The following MAEL variants were observed in gnomAD, a reference collection of about 807,000 sequenced individuals.
MAEL encodes protein maelstrom homolog.
Under a neutral mutation model 62.0 loss-of-function variants are expected in MAEL, and 46 were observed. That is an observed-to-expected ratio of 0.74 (90% CI 0.59 to 0.95). The LOEUF (loss-of-function observed/expected upper bound fraction) is 0.95. MAEL is among the 40% of genes least tolerant of loss of function. The pLI is 0.00. For synonymous variants in MAEL, 172 were observed against 175.5 expected (o/e 0.98, Z 0.16); for missense variants, 497 against 526.8 (o/e 0.94, Z 0.55).
rs552863080 is a variant in MAEL, at chr1:166,975,976, T to C, written c.-121+310T>C. Among the ~76,000 whole-genome samples, 7 of 152,220 alleles carry C rather than the reference T, an allele frequency of 4.6e-5. No homozygotes were observed. The South Asian group carries it at 1.5e-3, about 32-fold the overall frequency. ...AACTAGCAAGTCCTCTAGGCTAGAA[T>C]GTTCGCTTCTGCGGTACCCCCGCCC... On this transcript the variant is annotated intron_variant, in intron 1 of 12. Coordinates refer to the MAEL transcript ENST00000622874.
chr1:167,016,106 GT>G (rs1665377925), intron 8 of MAEL, 115 bp from the exon 9 acceptor site: 1 of 872,678 alleles, frequency 1.1e-6, no homozygotes, highest in South Asian at 1.4e-5. Context: ...TAAATTTGAA[GT>G]TTTAGTCTTC....
chr1:166,986,945 C>CGTGTGTGTGTGTGTGTGTGTGTGTGTGT (rs58393275), upstream of MAEL, among the ~76,000 whole-genome samples: 1 of 147,030 alleles, frequency 6.8e-6, no homozygotes, highest in Admixed American at 6.8e-5. Context: ...AGGAAGGGGA[C>CGTGTGTGTGTGTGTGTGTGTGTGTGTGT]GTGTGTGTGT....
rs558192476 is a variant in MAEL, at chr1:167,006,361, G to A, written c.845+964G>A. ...ATGATCTGGACATTTTTGAGTACAG[G>A]CCAGTTACTTTATAGAATGTTTCTC... On this transcript the variant is annotated intron_variant, in intron 8 of 11. Coordinates refer to ENST00000367872, the MANE Select transcript of MAEL (RefSeq NM_032858.3). Among the ~76,000 whole-genome samples, 150 of 151,824 alleles carry A rather than the reference G, an allele frequency of 9.9e-4. 1 individual carries two copies. Among genetic ancestry groups the A allele is most frequent in the Admixed American group, 1.5e-3 (23 of 15,208 alleles).
intron 8 of MAEL, chr1:167,005,997 C>G (rs1288044950): frequency 1.3e-5 from 2 of 152,182 alleles, no homozygotes; most frequent in East Asian, 3.9e-4. Flanking sequence ...CTGATCTTGT[C>G]TGATCTCACA....
intron 9 of MAEL, among the ~76,000 whole-genome samples, 196 bp downstream of exon 9, chr1:167,016,480 G>A (rs1376827047): frequency 7.9e-5 from 12 of 152,032 alleles, no homozygotes; most frequent in Non-Finnish European, 1.6e-4. Flanking sequence ...CAAAAGACAG[G>A]CAATAATAAA....
At chr1:166,986,945 C>CGTGTGTGTGTGTGTGTGTGTGTGTGT (rs58393275), upstream of MAEL, among the ~76,000 whole-genome samples, 1 of 147,030 alleles carries the variant, frequency 6.8e-6, no homozygotes, top group Admixed American at 6.8e-5. Context: ...AGGAAGGGGA[C>CGTGTGTGTGTGTGTGTGTGTGTGTGT]GTGTGTGTGT....
At chr1:166,976,801 A>C (rs1663597639) in intron 1 of MAEL, among the ~76,000 whole-genome samples, 2 of 152,220 alleles carry the variant, frequency 1.3e-5, no homozygotes, top group African/African-American at 4.8e-5. Context: ...GTATGTGAAC[A>C]TGTGAGAAAT....
intron 5 of MAEL, among the ~76,000 whole-genome samples, chr1:166,995,155 T>C (rs967061847): frequency 1.3e-5 from 2 of 152,136 alleles, no homozygotes; most frequent in Non-Finnish European, 2.9e-5. Context: ...ATTCTTAATA[T>C]GTACTAATTC....
At chr1:167,000,699 T>A (rs116754490) in intron 5 of MAEL, among the ~76,000 whole-genome samples, 2,823 of 152,330 alleles carry the variant, frequency 0.019, 32 homozygotes, top group Middle Eastern at 0.024. Flanking sequence ...ACTTCATTGT[T>A]TGATTTTAAG....
intron 8 of MAEL, among the ~76,000 whole-genome samples, chr1:167,009,234 C>T (rs1412803944): frequency 6.6e-6 from 1 of 152,158 alleles, no homozygotes; most frequent in Non-Finnish European, 1.5e-5. Flanking sequence ...TTTGCTGAAC[C>T]TTGATACAGT....
At chr1:167,000,064 A>G (rs562178991) in intron 5 of MAEL, among the ~76,000 whole-genome samples, 1 of 152,324 alleles carries the variant, frequency 6.6e-6, no homozygotes, top group African/African-American at 2.4e-5. Context: ...TAATGTTTTC[A>G]TGCCTGCTAC....
chr1:167,021,818 A>G lies in MAEL; in HGVS notation c.1268A>G (p.Gln423Arg), dbSNP rs1395366911. Residue 423 changes from glutamine (Q) to arginine (R), a missense_variant, in exon 12 of 12, where the codon CAA (glutamine) becomes CGA (arginine). Transcript: ENST00000367872. ...CDTSLSPYMS[Q>R]KDGYKSFSSL... ...ACTTCACTCTCACCTTACATGTCCC[A>G]AAAAGATGGATACAAATCTTTCTCT... 4.3e-6 allele frequency: 7 copies of G among 1,610,434 alleles called. No homozygotes were observed. The highest frequency in any genetic ancestry group is 5.1e-6 in the Non-Finnish European group (6 of 1,177,960).
At chr1:166,988,177 C>T (rs1663984585), upstream of MAEL, among the ~76,000 whole-genome samples, 2 of 151,574 alleles carry the variant, frequency 1.3e-5, no homozygotes, top group Admixed American at 6.6e-5. Context: ...AGGGAGACCT[C>T]GTCTCTACAA....
At chr1:167,002,093 T>C (rs1467568119) in intron 5 of MAEL, among the ~76,000 whole-genome samples, 3 of 152,254 alleles carry the variant, frequency 2.0e-5, no homozygotes, top group Non-Finnish European at 2.9e-5. Context: ...TGTGGTACTT[T>C]ACTAGTGTTA....
intron 8 of MAEL, chr1:167,012,533 C>T (rs868136043): frequency 1.3e-5 from 2 of 152,074 alleles, no homozygotes; most frequent in Non-Finnish European, 2.9e-5. Context: ...TAATGTGGTC[C>T]CTGCCTTCAA....
At chr1:166,987,405 A>G (rs1215027502), upstream of MAEL, among the ~76,000 whole-genome samples, 1 of 152,166 alleles carries the variant, frequency 6.6e-6, no homozygotes, top group Admixed American at 6.5e-5. Context: ...AATGTGCCAC[A>G]ATTTATCAGT....
At chr1:167,004,963 GC>G in intron 6 of MAEL, 112 bp from the exon 7 acceptor site, 1 of 890,858 alleles carries the variant, frequency 1.1e-6, no homozygotes, top group Non-Finnish European at 1.7e-6. Flanking sequence ...TTTCTCCTGT[GC>G]CCCCTACCTC....
At chr1:166,981,449 C>T (rs1408436175) in intron 1 of MAEL, among the ~76,000 whole-genome samples, 3 of 152,026 alleles carry the variant, frequency 2.0e-5, no homozygotes, top group Admixed American at 6.5e-5. Flanking sequence ...ATCACAGCCC[C>T]TTATGTCAAA....
chr1:167,015,202 T>G (rs1054861889), intron 8 of MAEL, among the ~76,000 whole-genome samples: 1 of 152,156 alleles, frequency 6.6e-6, no homozygotes, highest in Non-Finnish European at 1.5e-5. Context: ...AGAGTTTTTT[T>G]GTTTTCTTAA....
Sources: allele counts gnomAD v4.1 joint callset (sites outside exome capture counted in the v4.1 genomes callset), GRCh38; gene constraint gnomAD v4.1.1; transcripts MANE v1.5; gene names NCBI Gene and HGNC (gene_info 2026-07-23, HGNC 2026-07-21).